POU2F1: variants seen among roughly 807,000 people sequenced by gnomAD.
The protein encoded by POU2F1 is POU domain, class 2, transcription factor 1.
A neutral mutation model predicts 84.9 loss-of-function variants in POU2F1; 16 were observed. That is an observed-to-expected ratio of 0.19 (90% CI 0.13 to 0.29). The LOEUF (loss-of-function observed/expected upper bound fraction) is 0.29. Among genes scored for constraint, POU2F1 ranks in the 10% least tolerant of loss-of-function variants. The pLI is 1.00. For missense variants in POU2F1, 738 were observed against 942.6 expected, an observed-to-expected ratio of 0.78 and a Z score of 2.84; for synonymous variants, 368 against 368.3, an observed-to-expected ratio of 1.00 and a Z score of 0.01.
intron 12 of POU2F1, among the ~76,000 whole-genome samples, chr1:167,401,001 C>T (rs1179691827): frequency 2.0e-5 from 3 of 152,052 alleles, no homozygotes; most frequent in African/African-American, 4.8e-5. Context: ...TCTTGCAAAA[C>T]TAGAATTTTT....
intron 1 of POU2F1, among the ~76,000 whole-genome samples, chr1:167,284,841 TGTTA>T (rs1653406540): frequency 6.6e-6 from 1 of 152,376 alleles, no homozygotes; most frequent in African/African-American, 2.4e-5. Flanking sequence ...TTTAGAATTC[TGTTA>T]GTGCCTTTCA....
chr1:167,419,149 G>A lies in POU2F1; in HGVS notation c.*3339G>A, dbSNP rs1038869711. 6 of 151,928 alleles carry A rather than the reference G, an allele frequency of 3.9e-5. No homozygotes were observed. The highest frequency in any genetic ancestry group is 1.2e-4 in the African/African-American group (5 of 41,332). The allele number at this position is 151,928 out of a possible 1,614,324, so 9.4% of individuals were successfully genotyped here. A position where few individuals can be genotyped will look rare whatever the true frequency, so the allele number is the denominator to read the frequency against. ...CATCTCAAGAAATGCATTTTGAATT[G>A]AATGAACTATCTTCTAAGCTAAGAT... On this transcript the variant is annotated 3_prime_UTR_variant, in exon 16 of 16. Transcript: ENST00000367866.
intron 1 of POU2F1, among the ~76,000 whole-genome samples, chr1:167,240,482 GA>G (rs1185304331): frequency 6.6e-6 from 1 of 152,092 alleles, no homozygotes; most frequent in Non-Finnish European, 1.5e-5. Flanking sequence ...TTTAAAGGTG[GA>G]AAAAATATTT....
intron 10 of POU2F1, among the ~76,000 whole-genome samples, chr1:167,397,147 C>T (rs1054898598): frequency 1.1e-4 from 17 of 152,266 alleles, no homozygotes; most frequent in African/African-American, 3.6e-4. Context: ...TCTTATTTTA[C>T]GTGTAGCAGA....
intron 1 of POU2F1, among the ~76,000 whole-genome samples, chr1:167,223,302 A>AT (rs1648376124): frequency 1.3e-5 from 2 of 152,124 alleles, no homozygotes; most frequent in Non-Finnish European, 2.9e-5. Context: ...AATTGATGTT[A>AT]TGTTTTATCT....
chr1:167,308,766 G>T (rs1655259277), intron 1 of POU2F1, among the ~76,000 whole-genome samples: 2 of 152,110 alleles, frequency 1.3e-5, no homozygotes, highest in South Asian at 4.1e-4. Context: ...TGATCCATCT[G>T]CCTAGGCCTC....
chr1:167,359,255 A>G (rs993190800), intron 2 of POU2F1, among the ~76,000 whole-genome samples: 3 of 151,934 alleles, frequency 2.0e-5, no homozygotes. Context: ...TTACATGGGT[A>G]TATCGCCTGA....
chr1:167,299,894 G>A (rs1328691008), intron 1 of POU2F1, among the ~76,000 whole-genome samples: 4 of 152,092 alleles, frequency 2.6e-5, no homozygotes, highest in Admixed American at 1.3e-4. Flanking sequence ...GTAGGTGTGA[G>A]GTAGGGGCCA....
intron 2 of POU2F1, among the ~76,000 whole-genome samples, chr1:167,360,273 T>C (rs1659269216): frequency 6.6e-6 from 1 of 152,204 alleles, no homozygotes; most frequent in South Asian, 2.1e-4. Context: ...ATTCTTTGCT[T>C]AGGCCAATGT....
chr1:167,325,687 C>T (rs113267016), intron 1 of POU2F1, among the ~76,000 whole-genome samples: 3,082 of 152,058 alleles, frequency 0.02, 107 homozygotes, highest in African/African-American at 0.069. Context: ...GTCAGGAGTT[C>T]GAGACCAGCC....
intron 7 of POU2F1, among the ~76,000 whole-genome samples, chr1:167,382,840 C>T (rs1647665130): frequency 6.6e-6 from 1 of 152,052 alleles, no homozygotes; most frequent in African/African-American, 2.4e-5. Flanking sequence ...ATATTAGTAT[C>T]TTTTGATAGC....
At chr1:167,270,510 G>T (rs1056881732) in intron 1 of POU2F1, among the ~76,000 whole-genome samples, 5 of 152,174 alleles carry the variant, frequency 3.3e-5, no homozygotes, top group African/African-American at 4.8e-5. Flanking sequence ...ATGTTCTAAA[G>T]ATGTAGCCAG....
chr1:167,336,299 A>G (rs1055785867), intron 2 of POU2F1, among the ~76,000 whole-genome samples: 3 of 152,228 alleles, frequency 2.0e-5, no homozygotes, highest in African/African-American at 4.8e-5. Context: ...TGCTATTGCA[A>G]TGATCTCAAG....
intron 2 of POU2F1, chr1:167,338,248 C>T (rs1416114638): frequency 4.3e-6 from 2 of 461,686 alleles, no homozygotes; most frequent in Non-Finnish European, 8.8e-6. Flanking sequence ...TCCACTTCCA[C>T]TTAATGAATA....
intron 13 of POU2F1, among the ~76,000 whole-genome samples, chr1:167,403,972 C>G (rs377453236): frequency 6.6e-6 from 1 of 152,050 alleles, no homozygotes; most frequent in African/African-American, 2.4e-5. Context: ...GTTTTAGCAT[C>G]TAGTGTTGCT....
chr1:167,408,409 T>C (rs1402286709), intron 13 of POU2F1, among the ~76,000 whole-genome samples: 1 of 152,214 alleles, frequency 6.6e-6, no homozygotes, highest in Non-Finnish European at 1.5e-5. Flanking sequence ...TCAATGTGAA[T>C]GTTTATATAG....
At chr1:167,286,389 G>A (rs1653529355) in intron 1 of POU2F1, among the ~76,000 whole-genome samples, 1 of 152,096 alleles carries the variant, frequency 6.6e-6, no homozygotes, top group African/African-American at 2.4e-5. Flanking sequence ...CAACCAGTAA[G>A]TTTCCATTCC....
chr1:167,309,168 A>G (rs1045708371), intron 1 of POU2F1, among the ~76,000 whole-genome samples: 1 of 151,894 alleles, frequency 6.6e-6, no homozygotes, highest in Non-Finnish European at 1.5e-5. Context: ...TTAGAAGTCA[A>G]GATGTGGGTG....
intron 2 of POU2F1, among the ~76,000 whole-genome samples, chr1:167,338,470 G>C (rs1170705584): frequency 6.6e-6 from 1 of 152,140 alleles, no homozygotes; most frequent in East Asian, 1.9e-4. Context: ...CCTTGACTCC[G>C]TTGTTCAGGG....
Sources: gnomAD v4.1 joint callset for allele counts (sites outside exome capture counted in the v4.1 genomes callset) on GRCh38, gnomAD v4.1.1 for gene constraint, MANE v1.5 for transcripts, NCBI Gene and HGNC (gene_info 2026-07-23, HGNC 2026-07-21) for gene names.